Variants in WIZ observed in about 807,000 individuals in gnomAD.
The protein encoded by WIZ is WIZ zinc finger.
In WIZ, 25 loss-of-function variants were observed where a neutral mutation model predicts 140.2. The ratio of observed to expected loss-of-function variants is 0.18; its 90% CI spans 0.13 to 0.25. WIZ has a LOEUF of 0.25. Among genes scored for constraint, WIZ ranks in the 10% least tolerant of loss-of-function variants. The pLI is 1.00. For synonymous variants in WIZ, 1,125 were observed against 1,154.3 expected, an observed-to-expected ratio of 0.97 and a Z score of 0.51; for missense variants, 2,231 against 2,632.6, an observed-to-expected ratio of 0.85 and a Z score of 3.34.
rs1389048379 is a variant in WIZ at position 15,438,927 on chromosome 19, C to G, written c.2067G>C (p.Lys689Asn). 21 of 1,445,166 alleles carry G rather than the reference C, an allele frequency of 1.5e-5. No individual in the cohort carries two copies. Among genetic ancestry groups the G allele is most frequent in the African/African-American group, 2.9e-5 (2 of 70,086 alleles). The allele number at this position is 1,445,166 out of a possible 1,614,324, so 89.5% of individuals were successfully genotyped here. ...RGMVPIVLVA[K>N]LGPQVMAAAR... is the part of the protein sequence containing the mutation. ...CTGCCGCCATGACCTGCGGCCCCAG[C>G]TTCGCCACGAGCACAATGGGTACCA... The change falls in exon 4 of 13, where the codon AAG (lysine) becomes AAC (asparagine). Residue 689 changes from lysine to asparagine, a missense_variant. Around this residue, in one of 15 missense-constraint regions of WIZ, gnomAD observed 475 missense variants for 520.2 expected, o/e 0.91. Transcript: ENST00000673675.
rs545324688 is a variant in WIZ, at chr19:15,439,711, G to A, written c.1283C>T (p.Pro428Leu). Residue 428 changes from proline (P) to leucine (L), a missense_variant, in exon 4 of 13, where the codon CCA becomes CTA. Pro to Leu is a moderately conservative substitution (Grantham distance 98, BLOSUM62 -3). Transcript: ENST00000673675. The surrounding 1 kb of genome is among the most constrained non-coding windows in gnomAD (Gnocchi z 7.0). ...QHAKLHMREPPGQTTKEPFGG... is the reference protein window; with the variant it reads ...QHAKLHMREPLGQTTKEPFGG... Reference sequence around the variant, plus strand: ...AAAAGGCTCTTTGGTGGTCTGGCCTGGGGGCTCACGCATGTGCAGCTTGGC... The same window carrying A: ...AAAAGGCTCTTTGGTGGTCTGGCCTAGGGGCTCACGCATGTGCAGCTTGGC... 1 of 1,488,380 alleles carries A rather than the reference G, an allele frequency of 6.7e-7. No individual in the cohort carries two copies. The allele number at this position is 1,488,380 out of a possible 1,614,324, so 92.2% of individuals were successfully genotyped here.
chr19:15,445,730 C>T (rs367763321), intron 2 of WIZ, among the ~76,000 whole-genome samples: 16 of 152,162 alleles, frequency 1.1e-4, no homozygotes, highest in East Asian at 3.9e-4. Context: ...GGAGGCCCAA[C>T]CAGAGAGGCA....
chr19:15,437,529 G>A (rs1969562001), intron 4 of WIZ, among the ~76,000 whole-genome samples: 1 of 152,236 alleles, frequency 6.6e-6, no homozygotes. Flanking sequence ...AGTGGTGCGT[G>A]CCTGTAGTCC....
intron 10 of WIZ, 80 bp from the exon 11 acceptor site, chr19:15,425,112 C>A (rs926536272): frequency 2.7e-6 from 4 of 1,507,298 alleles, no homozygotes; most frequent in Non-Finnish European, 3.5e-6. Context: ...AGGCCAGGTG[C>A]CAATCCCGCC....
Position 15,424,659 on chromosome 19 carries a change from C to T in WIZ, c.5268G>A (p.Pro1756=), listed in dbSNP as rs374548518. Residue 1756 remains proline (P), a synonymous_variant, in exon 11 of 13, where the codon CCG becomes CCA. Transcript: ENST00000673675. This position sits in a 1 kb window ranked among gnomAD's most constrained non-coding sequence, Gnocchi z 9.7. ...GCTCCTCAGCCTTCACGGTGCCTGG[C>T]GGGCTGGCTGCCAGAGGCCGCTCAC... is the stretch of plus-strand genomic sequence containing the variant. The part of the protein sequence containing the change: ...DGGERPLAAS[P]PGTVKAEEHQ... 96 of 1,591,158 alleles carry T rather than the reference C, an allele frequency of 6.0e-5. No individual in the cohort carries two copies. The highest frequency in any genetic ancestry group is 5.2e-4 in the East Asian group (23 of 44,448).
intron 12 of WIZ, among the ~76,000 whole-genome samples, 197 bp from the exon 13 acceptor site, chr19:15,423,432 T>C (rs988632577): frequency 3.3e-5 from 5 of 151,862 alleles, no homozygotes; most frequent in Non-Finnish European, 7.4e-5. Flanking sequence ...CATGGCAGGG[T>C]CTCACAGAGA....
intron 2 of WIZ, among the ~76,000 whole-genome samples, 194 bp downstream of exon 2, chr19:15,447,909 G>C (rs1020970552): frequency 6.6e-6 from 1 of 152,140 alleles, no homozygotes; most frequent in African/African-American, 2.4e-5. Context: ...GCCTTGGTCT[G>C]GTCACTGGCT....
At position 15,440,568 on chromosome 19, in the gene WIZ, T is replaced by A; in HGVS notation, c.426A>T (p.Arg142Ser). Reference sequence around the variant, plus strand: ...TTCTCACAATGACTGAGTCCTCGAATCTCCGCTCAGATAGGATGCCCTCCC... The same window carrying A: ...TTCTCACAATGACTGAGTCCTCGAAACTCCGCTCAGATAGGATGCCCTCCC... ...EAGEGILSER[R>S]FEDSVIVRTM... Residue 142 changes from arginine (R) to serine (S), a missense_variant, in exon 4 of 13, where the codon AGA (arginine) becomes AGT (serine). Transcript: ENST00000673675. The surrounding 1 kb of genome is among the most constrained non-coding windows in gnomAD (Gnocchi z 6.2). 6.5e-7 allele frequency: 1 copy of A among 1,536,118 alleles called. No homozygotes were observed. Among genetic ancestry groups the A allele is most frequent in the South Asian group, 1.2e-5 (1 of 84,062 alleles).
Position 15,442,816 on chromosome 19 carries a change from C to T in WIZ, c.206-68G>A. On this transcript the variant is annotated intron_variant, in intron 2 of 12. Transcript: ENST00000673675. The surrounding 1 kb of genome is among the most constrained non-coding windows in gnomAD (Gnocchi z 5.5). ...GGCCGGGGCCCTCCACACCCCAGCT[C>T]CAGGAGCCCTGCCAGGTGCCTCAGA... 9.8e-7 allele frequency: 1 copy of T among 1,023,046 alleles called. No individual in the cohort carries two copies. Among genetic ancestry groups the T allele is most frequent in the African/African-American group, 1.7e-5 (1 of 60,568 alleles). 63.4% of individuals were successfully genotyped at this position (1,023,046 alleles called of 1,614,324 possible).
At position 15,438,902 on chromosome 19, in the gene WIZ, C is replaced by T; in HGVS notation, c.2092G>A (p.Ala698Thr). ...GGCTGCAACCTTGGGGGCACCCTGG[C>T]TGCCGCCATGACCTGCGGCCCCAGC... is the stretch of plus-strand genomic sequence containing the variant. Reference protein sequence around the residue: ...AKLGPQVMAAARVPPRLQPEE... With the variant: ...AKLGPQVMAATRVPPRLQPEE... Residue 698 changes from alanine to threonine, a missense_variant, in exon 4 of 13, where the codon GCC becomes ACC. Physicochemically the swap from Ala to Thr is moderately conservative, Grantham distance 58. Transcript: ENST00000673675. The T allele has an allele frequency of 6.9e-7, 1 of 1,450,042 alleles. No homozygotes were observed. The highest frequency in any genetic ancestry group is 9.1e-7 in the Non-Finnish European group (1 of 1,102,202). 89.8% of individuals were successfully genotyped at this position (1,450,042 alleles called of 1,614,324 possible).
chr19:15,440,834 G>C lies in WIZ; in HGVS notation c.279-119C>G. The C allele has an allele frequency of 1.0e-6, 1 of 989,492 alleles. No individual in the cohort carries two copies. Among genetic ancestry groups the C allele is most frequent in the Non-Finnish European group, 1.4e-6 (1 of 698,298 alleles). The allele number at this position is 989,492 out of a possible 1,614,324, so 61.3% of individuals were successfully genotyped here. On this transcript the variant is annotated intron_variant, in intron 3 of 12. Transcript: ENST00000673675. This position sits in a 1 kb window ranked among gnomAD's most constrained non-coding sequence, Gnocchi z 6.2. ...GGCCCCGGAGATCCAGCCCGAGGGT[G>C]ACAGGGGTGTGGGGGTGAGGGTGGG... is the stretch of plus-strand genomic sequence containing the variant.
chr19:15,448,076 TG>T, intron 2 of WIZ, 26 bp downstream of exon 2: 1 of 1,609,866 alleles, frequency 6.2e-7, no homozygotes. Flanking sequence ...GGATGCTCCC[TG>T]GGGGCCACAC....
chr19:15,432,731 C>A (rs1472587558), intron 5 of WIZ, among the ~76,000 whole-genome samples: 3 of 151,152 alleles, frequency 2.0e-5, no homozygotes, highest in Non-Finnish European at 4.4e-5. Flanking sequence ...GCGGGGCGGC[C>A]GCCCCAGGCG....
rs1354245475 is a variant in WIZ at position 15,438,750 on chromosome 19, C to T, written c.2244G>A (p.Glu748=). 21 of 1,535,660 alleles carry T rather than the reference C, an allele frequency of 1.4e-5. No homozygotes were observed. Among genetic ancestry groups the T allele is most frequent in the Non-Finnish European group, 1.7e-5 (20 of 1,146,598 alleles). Residue 748 remains glutamate, a synonymous_variant, in exon 4 of 13, where the codon GAG becomes GAA. Transcript: ENST00000673675. The part of the protein sequence containing the change: ...GDPAMALKHE[E]RKCPYCPDRF... ...GATCGGGGCAGTAGGGGCATTTCCG[C>T]TCCTCGTGCTTCAGTGCCATGGCCG... is the stretch of plus-strand genomic sequence containing the variant.
chr19:15,439,077 C>T lies in WIZ; in HGVS notation c.1917G>A (p.Gly639=). 1 of 1,487,420 alleles carries T rather than the reference C, an allele frequency of 6.7e-7. No homozygotes were observed. Among genetic ancestry groups the T allele is most frequent in the Non-Finnish European group, 8.9e-7 (1 of 1,121,756 alleles). 92.1% of individuals were successfully genotyped at this position (1,487,420 alleles called of 1,614,324 possible). Residue 639 remains glycine, a synonymous_variant, in exon 4 of 13, where the codon GGG becomes GGA. Transcript: ENST00000673675. The surrounding 1 kb of genome is among the most constrained non-coding windows in gnomAD (Gnocchi z 7.0). The part of the protein sequence containing the change: ...TSEMDFSPEN[G]VFSPLATPSL... The stretch of plus-strand genomic sequence containing the variant: ...TGGGGGTGGCTAGGGGTGAAAAGAC[C>T]CCATTTTCAGGGGAAAAATCCATCT...
chr19:15,439,991 T>A lies in WIZ; in HGVS notation c.1003A>T (p.Ser335Cys), dbSNP rs768193676. 2 of 1,535,590 alleles carry A rather than the reference T, an allele frequency of 1.3e-6. No individual in the cohort carries two copies. Among genetic ancestry groups the A allele is most frequent in the Admixed American group, 3.9e-5 (2 of 50,968 alleles). Residue 335 changes from serine to cysteine, a missense_variant, in exon 4 of 13, where the codon AGC becomes TGC. Transcript: ENST00000673675. This position sits in a 1 kb window ranked among gnomAD's most constrained non-coding sequence, Gnocchi z 7.0. ...TGGCCCGGGGCTCGGCGGTGCTGGC[T>A]CATGTGCTCCAGGAGGTGCTCCTTC... ...KQKEHLLEHM[S>C]QHRRAPGQEP...
Position 15,427,916 on chromosome 19 carries a change from G to A in WIZ, c.3814+194C>T, listed in dbSNP as rs552214038. 2.0e-5 allele frequency among the ~76,000 whole-genome samples: 3 copies of A among 152,294 alleles called. No individual in the cohort carries two copies. In the South Asian group the frequency reaches 6.2e-4, roughly 32 times the overall value. ...TCCCCACCTTGGCCTTCATTCTCAG[G>A]AAGGGTCATGGAGGTCAAAGGCCAA... On this transcript the variant is annotated intron_variant, in intron 8 of 12. Transcript: ENST00000673675. The surrounding 1 kb of genome is among the most constrained non-coding windows in gnomAD (Gnocchi z 6.4).
At position 15,423,010 on chromosome 19, in the gene WIZ, A is replaced by G. The variant is rs7254099; in HGVS notation, c.*66T>C. ...AACGGAAAGAAAGAGGAAGAGGGAC[A>G]AGGACACAGAGGAGGAAGAAGAGGA... On this transcript the variant is annotated 3_prime_UTR_variant, in exon 13 of 13. Transcript: ENST00000673675. 0.77 allele frequency: 1,199,902 copies of G among 1,565,344 alleles called. 462,700 individuals carry two copies. The highest frequency in any genetic ancestry group is 0.99 in the East Asian group (43,508 of 43,792).
chr19:15,434,758 GCCCT>G (rs1555712779), intron 5 of WIZ, among the ~76,000 whole-genome samples: 2 of 152,104 alleles, frequency 1.3e-5, no homozygotes, highest in Non-Finnish European at 2.9e-5. Context: ...GCAAGACTGG[GCCCT>G]TCACTTGTCC....
Sources: gnomAD v4.1 joint callset for allele counts (sites outside exome capture counted in the v4.1 genomes callset) on GRCh38, gnomAD v4.1.1 for gene constraint, gnomAD v4.1.1 regional missense constraint, Gnocchi (gnomAD v3.1) non-coding constraint, MANE v1.5 for transcripts, NCBI Gene and HGNC (gene_info 2026-07-23, HGNC 2026-07-21) for gene names.